SLC12A6: variants seen among roughly 807,000 people sequenced by gnomAD.
SLC12A6 encodes the protein K-Cl cotransporter 3.
Under a neutral mutation model 135.3 loss-of-function variants are expected in SLC12A6, and 66 were observed. The ratio of observed to expected loss-of-function variants is 0.49; its 90% CI spans 0.40 to 0.60. The LOEUF is 0.60. Ranked by LOEUF, SLC12A6 falls within the 20% of genes least tolerant of loss-of-function variation. The pLI is 0.00. For synonymous variants in SLC12A6, 513 were observed against 508.8 expected (o/e 1.01, Z -0.11); for missense variants, 1,058 against 1,452.3 (o/e 0.73, Z 4.41).
rs4780237 is a variant in SLC12A6 at position 34,275,506 on chromosome 15, T to C, written c.272-117A>G. 3,181 of 677,784 alleles carry C rather than the reference T, an allele frequency of 4.7e-3. 104 individuals carry two copies. In the Admixed American group the frequency reaches 0.054, roughly 12 times the overall value. The allele number at this position is 677,784 out of a possible 1,614,324, so 42.0% of individuals were successfully genotyped here. A position where few individuals can be genotyped will look rare whatever the true frequency, so the allele number is the denominator to read the frequency against. On this transcript the variant is annotated intron_variant, in intron 2 of 25. Coordinates refer to ENST00000354181, the MANE Select transcript of SLC12A6 (RefSeq NM_001365088.1). Reference sequence around the variant, plus strand: ...ATAAGCAAAAAAATTTAAAAACTTATGAAATATTAATGTGAAGATAATAAA... The same window carrying C: ...ATAAGCAAAAAAATTTAAAAACTTACGAAATATTAATGTGAAGATAATAAA...
intron 4 of SLC12A6, among the ~76,000 whole-genome samples, chr15:34,259,939 T>C (rs948235840): frequency 4.6e-5 from 7 of 152,084 alleles, no homozygotes; most frequent in African/African-American, 9.7e-5. Context: ...GGGGTGTATG[T>C]AGGGGAAGGG....
Position 34,325,753 on chromosome 15 carries a change from T to G in SLC12A6, c.271+10657A>C, listed in dbSNP as rs1889418054. ...CATGCTTTAACTGAGGCTGAAAGGA[T>G]CATGCATTCACTCAATAATATTTGA... On this transcript the variant is annotated intron_variant, in intron 2 of 25. Transcript: ENST00000354181. 2.0e-5 allele frequency among the ~76,000 whole-genome samples: 3 copies of G among 152,162 alleles called. No homozygotes were observed. In the South Asian group the frequency reaches 6.2e-4, roughly 31 times the overall value.
At chr15:34,250,819 C>T (rs1016812260) in intron 11 of SLC12A6, 80 bp downstream of exon 11, 16 of 1,403,766 alleles carry the variant, frequency 1.1e-5, no homozygotes, top group South Asian at 5.8e-5. Context: ...AATCTAGGAA[C>T]CCTGAGAATT....
At chr15:34,253,038 A>T (rs1892504451) in intron 9 of SLC12A6, among the ~76,000 whole-genome samples, 1 of 152,216 alleles carries the variant, frequency 6.6e-6, no homozygotes, top group Admixed American at 6.5e-5. Flanking sequence ...GGTAAGGATA[A>T]CATAAATATT....
Position 34,230,059 on chromosome 15 carries a change from A to T in SLC12A6, c.*3822T>A, listed in dbSNP as rs371851468. On this transcript the variant is annotated 3_prime_UTR_variant, in exon 26 of 26. Transcript: ENST00000354181. ...CAGAGCAAAACAACAACAAAAAAAC[A>T]TAACTATGTAAACAAGAGAATAACT... 1 of 438,294 alleles carries T rather than the reference A, an allele frequency of 2.3e-6. No homozygotes were observed. Among genetic ancestry groups the T allele is most frequent in the Non-Finnish European group, 4.0e-6 (1 of 248,200 alleles). 27.2% of individuals were successfully genotyped at this position (438,294 alleles called of 1,614,324 possible).
intron 18 of SLC12A6, 64 bp from the exon 19 acceptor site, chr15:34,240,893 G>A: frequency 8.1e-7 from 1 of 1,230,272 alleles, no homozygotes; most frequent in East Asian, 2.5e-5. Context: ...GGAACAGAAT[G>A]ACAGACTCCA....
At chr15:34,297,482 C>T (rs901520831) in intron 2 of SLC12A6, among the ~76,000 whole-genome samples, 3 of 152,144 alleles carry the variant, frequency 2.0e-5, no homozygotes, top group African/African-American at 7.2e-5. Context: ...TTCCTATATT[C>T]ATAAAGAAAC....
chr15:34,295,613 A>C (rs1430586584), intron 2 of SLC12A6, among the ~76,000 whole-genome samples: 1 of 152,216 alleles, frequency 6.6e-6, no homozygotes, highest in African/African-American at 2.4e-5. Flanking sequence ...TTGATTTATA[A>C]CGATACAGTC....
At chr15:34,285,587 G>GT (rs1180948523) in intron 2 of SLC12A6, among the ~76,000 whole-genome samples, 1 of 151,450 alleles carries the variant, frequency 6.6e-6, no homozygotes, top group Non-Finnish European at 1.5e-5. Context: ...TAAATTAGGT[G>GT]TGAGTTCTCC....
At position 34,231,090 on chromosome 15, in the gene SLC12A6, C is replaced by T. The variant is rs1335107942; in HGVS notation, c.*2791G>A. The T allele has an allele frequency of 3.9e-5, 6 of 152,296 alleles. No homozygotes were observed. The highest frequency in any genetic ancestry group is 2.1e-4 in the South Asian group (1 of 4,832). 9.4% of individuals were successfully genotyped at this position (152,296 alleles called of 1,614,324 possible). On this transcript the variant is annotated 3_prime_UTR_variant, in exon 26 of 26. Coordinates refer to ENST00000354181, the MANE Select transcript of SLC12A6 (RefSeq NM_001365088.1). ...GATCCTGGTTGGGCACAGTGGCTCA[C>T]GCCTGTAATCCCAGCACTTTGGGAG...
At chr15:34,278,248 G>GA (rs2140901761) in intron 2 of SLC12A6, among the ~76,000 whole-genome samples, 1 of 152,130 alleles carries the variant, frequency 6.6e-6, no homozygotes, top group Admixed American at 6.5e-5. Flanking sequence ...CCAACATAGA[G>GA]AAATGCCATC....
At chr15:34,318,864 G>A in intron 2 of SLC12A6, 1 of 1,440,954 alleles carries the variant, frequency 6.9e-7, no homozygotes, top group Non-Finnish European at 9.2e-7. Flanking sequence ...GGCGCTTGAA[G>A]ACACGCCTTC....
At chr15:34,319,271 G>A (rs1888886587) in intron 2 of SLC12A6, among the ~76,000 whole-genome samples, 1 of 151,742 alleles carries the variant, frequency 6.6e-6, no homozygotes, top group Non-Finnish European at 1.5e-5. Context: ...GAGTAGCTGG[G>A]ACTACAGACA....
intron 1 of SLC12A6, chr15:34,337,093 G>A (rs999360039): frequency 4.8e-5 from 15 of 315,566 alleles, no homozygotes; most frequent in African/African-American, 3.1e-4. Context: ...CCTTTATCTG[G>A]TGAGTGTCCC....
rs1203501271 is a variant in SLC12A6, at chr15:34,336,430, T to C, written c.251A>G (p.His84Arg). The C allele has an allele frequency of 6.2e-7, 1 of 1,613,766 alleles. No individual in the cohort carries two copies. The highest frequency in any genetic ancestry group is 1.7e-5 in the Admixed American group (1 of 59,980). The change falls in exon 2 of 26, where the codon CAC (histidine) becomes CGC (arginine). Residue 84 changes from histidine (H) to arginine (R), a missense_variant. Physicochemically the swap from His to Arg is conservative, Grantham distance 29. Coordinates refer to ENST00000354181, the MANE Select transcript of SLC12A6 (RefSeq NM_001365088.1). Reference sequence around the variant, plus strand: ...CTTACCCTCGATGACATCCTGGGGGTGAGAAGTCCGGTCACTGGGTGGATC... The same window carrying C: ...CTTACCCTCGATGACATCCTGGGGGCGAGAAGTCCGGTCACTGGGTGGATC... ...ALDPPSDRTS[H>R]PQDVIEDLSQ...
intron 3 of SLC12A6, among the ~76,000 whole-genome samples, chr15:34,271,059 T>C (rs7169731): frequency 0.03 from 4,549 of 152,120 alleles, 233 homozygotes; most frequent in African/African-American, 0.1. Context: ...CCCATGATTG[T>C]TACCTCCCAC....
chr15:34,263,052 C>T (rs1339944375), intron 3 of SLC12A6, among the ~76,000 whole-genome samples: 1 of 152,046 alleles, frequency 6.6e-6, no homozygotes, highest in Non-Finnish European at 1.5e-5. Context: ...TTACCCATAC[C>T]CCAATCCTCA....
intron 2 of SLC12A6, among the ~76,000 whole-genome samples, chr15:34,325,804 G>A (rs1317664883): frequency 1.3e-5 from 2 of 152,062 alleles, no homozygotes; most frequent in African/African-American, 4.8e-5. Context: ...CAAGAAATAG[G>A]AATGAAATGG....
rs541186561 is a variant in SLC12A6, at chr15:34,260,742, T to G, written c.411+184A>C. ...CTTCCTTACTACATAACAATTTGAT[T>G]TAATAGTTACTCACTATAATTAGAT... On this transcript the variant is annotated intron_variant, in intron 4 of 25. Transcript: ENST00000354181. 6.6e-5 allele frequency among the ~76,000 whole-genome samples: 10 copies of G among 152,346 alleles called. No individual in the cohort carries two copies. In the East Asian group the frequency reaches 1.9e-3, roughly 29 times the overall value.
Sources: gnomAD v4.1 joint callset for allele counts (sites outside exome capture counted in the v4.1 genomes callset) on GRCh38, gnomAD v4.1.1 for gene constraint, MANE v1.5 for transcripts, NCBI Gene and HGNC (gene_info 2026-07-23, HGNC 2026-07-21) for gene names.